Variants in COQ2 observed in about 807,000 individuals in gnomAD.
The protein encoded by COQ2 is coenzyme Q2, polyprenyltransferase, also known as 4-hydroxybenzoate polyprenyltransferase, mitochondrial.
In COQ2, 25 loss-of-function variants were observed where a neutral mutation model predicts 35.7. That is an observed-to-expected ratio of 0.70 (90% CI 0.51 to 0.98). The LOEUF (loss-of-function observed/expected upper bound fraction) is 0.98, where lower values mean the gene tolerates loss of function less well. COQ2 is among the 50% of genes least tolerant of loss of function. The pLI is 0.00. For synonymous variants in COQ2, 206 were observed against 186.2 expected (o/e 1.11, Z -0.86); for missense variants, 488 against 473.5 (o/e 1.03, Z -0.28).
rs551766328 is a variant in COQ2 at position 83,274,422 on chromosome 4, T to C, written c.421-805A>G. Among the ~76,000 whole-genome samples, 11 of 152,298 alleles carry C rather than the reference T, an allele frequency of 7.2e-5. No individual in the cohort carries two copies. The South Asian group carries it at 2.3e-3, about 32-fold the overall frequency. On this transcript the variant is annotated intron_variant, in intron 2 of 6. Coordinates refer to ENST00000647002, the MANE Select transcript of COQ2 (RefSeq NM_001358921.2). Reference sequence around the variant, plus strand: ...ATTGGCCAAGCTGGTTTCGAACTCCTGACCTCAAGTGATCCACCTGCCTTG... The same window carrying C: ...ATTGGCCAAGCTGGTTTCGAACTCCCGACCTCAAGTGATCCACCTGCCTTG...
intron 1 of COQ2, among the ~76,000 whole-genome samples, chr4:83,280,297 G>GCT (rs1735291211): frequency 1.3e-5 from 2 of 152,160 alleles, no homozygotes; most frequent in African/African-American, 4.8e-5. Context: ...GTTTGGATAT[G>GCT]CTGCCTATTA....
At chr4:83,269,572 A>C (rs1734996443) in intron 5 of COQ2, among the ~76,000 whole-genome samples, 1 of 152,228 alleles carries the variant, frequency 6.6e-6, no homozygotes, top group South Asian at 2.1e-4. Flanking sequence ...AAGTCTGTAA[A>C]GTACTTAAAA....
rs1447278016 is a variant in COQ2, at chr4:83,284,569, AGTC to A, written c.193_195del (p.Asp65del). 1.3e-6 allele frequency: 2 copies of A among 1,559,920 alleles called. No homozygotes were observed. The highest frequency in any genetic ancestry group is 2.8e-5 in the African/African-American group (2 of 72,020). The stretch of plus-strand genomic sequence containing the variant: ...TACGGCTGCAGGGGGCGGGGCGCAG[AGTC>A]CACCACCGCCGCCGCGGACAAACTG... On this transcript the variant is annotated inframe_deletion, in exon 1 of 7. Transcript: ENST00000647002.
intron 2 of COQ2, among the ~76,000 whole-genome samples, chr4:83,274,196 T>C (rs1236613960): frequency 6.6e-6 from 1 of 152,016 alleles, no homozygotes; most frequent in Non-Finnish European, 1.5e-5. Flanking sequence ...CCTTATCAGC[T>C]ATTTAGCTAT....
rs748622687 is a variant in COQ2, at chr4:83,264,375, G to A, written c.952-12C>T. On this transcript the variant is annotated splice_polypyrimidine_tract_variant and intron_variant, in intron 6 of 6. Transcript: ENST00000647002. ...TCTAGAGTGTAAATCTGCAAGAGAG[G>A]AATACAAAGTTGTATTAATACCTAG... 1.1e-5 allele frequency: 17 copies of A among 1,586,752 alleles called. No individual in the cohort carries two copies.
intron 6 of COQ2, 28 bp downstream of exon 6, chr4:83,267,558 T>G: frequency 6.6e-7 from 1 of 1,518,814 alleles, no homozygotes; most frequent in Non-Finnish European, 8.8e-7. Flanking sequence ...CAAGGAAATA[T>G]GAGGGACAAA....
chr4:83,268,162 G>A (rs1051111303), intron 5 of COQ2, among the ~76,000 whole-genome samples: 1 of 152,166 alleles, frequency 6.6e-6, no homozygotes, highest in Non-Finnish European at 1.5e-5. Flanking sequence ...CTCTACCTCA[G>A]AGTTCTCAAA....
At position 83,264,252 on chromosome 4, in the gene COQ2, C is replaced by T; in HGVS notation, c.1063G>A (p.Glu355Lys). Residue 355 changes from glutamate (E) to lysine (K), a missense_variant, in exon 7 of 7, where the codon GAA becomes AAA. By Grantham distance (56) the Glu-to-Lys change is moderately conservative. Coordinates refer to ENST00000647002, the MANE Select transcript of COQ2 (RefSeq NM_001358921.2). Reference sequence around the variant, plus strand: ...TTCTTTGTTTTGTCTGTCTTCTTTTCTTTCCACAAATTCCCAAGGACAATC... The same window carrying T: ...TTCTTTGTTTTGTCTGTCTTCTTTTTTTTCCACAAATTCCCAAGGACAATC... ...LGIVLGNLWKEKKTDKTKKGI... is the reference protein window; with the variant it reads ...LGIVLGNLWKKKKTDKTKKGI... 6.2e-7 allele frequency: 1 copy of T among 1,603,846 alleles called. No homozygotes were observed. The highest frequency in any genetic ancestry group is 1.3e-5 in the African/African-American group (1 of 74,450).
Position 83,284,639 on chromosome 4 carries a change from G to C in COQ2, c.126C>G (p.Asp42Glu), listed in dbSNP as rs1255408121. ...ARAAGAPHGG[D>E]LQPPACPEPR... ...GCTCGGGACAGGCGGGGGGCTGCAA[G>C]TCACCACCGTGGGGCGCGCCTGCCG... The change falls in exon 1 of 7, where the codon GAC becomes GAG. Residue 42 changes from aspartate (D) to glutamate (E), a missense_variant. By Grantham distance (45) the Asp-to-Glu change is conservative. Coordinates refer to ENST00000647002, the MANE Select transcript of COQ2 (RefSeq NM_001358921.2). The C allele has an allele frequency of 1.3e-6, 2 of 1,496,440 alleles. No individual in the cohort carries two copies. The highest frequency in any genetic ancestry group is 8.9e-7 in the Non-Finnish European group (1 of 1,125,924). The allele number at this position is 1,496,440 out of a possible 1,614,324, so 92.7% of individuals were successfully genotyped here. A position where few individuals can be genotyped will look rare whatever the true frequency, so the allele number is the denominator to read the frequency against.
chr4:83,264,437 A>G, intron 6 of COQ2, 74 bp from the exon 7 acceptor site: 1 of 1,481,848 alleles, frequency 6.7e-7, no homozygotes, highest in Non-Finnish European at 8.9e-7. Context: ...ACATGTTAAC[A>G]CGGAGGAGAA....
In COQ2 at chr4:83,284,604, C is replaced by T. The variant is rs1735414065; in HGVS notation, c.161G>A (p.Arg54His). ...CGCCGCCGCGGACAAACTGAGCTGGCGCCCGCGCGGCTCGGGACAGGCGGG... is the reference window on the plus strand; with the variant it reads ...CGCCGCCGCGGACAAACTGAGCTGGTGCCCGCGCGGCTCGGGACAGGCGGG... ...QPPACPEPRG[R>H]QLSLSAAAVV... is the part of the protein sequence containing the mutation. The change falls in exon 1 of 7, where the codon CGC (arginine) becomes CAC (histidine). Residue 54 changes from arginine to histidine, a missense_variant. Arg to His is a conservative substitution (Grantham distance 29). Transcript: ENST00000647002. 5.9e-6 allele frequency: 9 copies of T among 1,535,534 alleles called. No homozygotes were observed. The highest frequency in any genetic ancestry group is 7.9e-6 in the Non-Finnish European group (9 of 1,142,022).
At chr4:83,269,536 C>T (rs2126172251) in intron 5 of COQ2, among the ~76,000 whole-genome samples, 1 of 152,296 alleles carries the variant, frequency 6.6e-6, no homozygotes, top group Admixed American at 6.5e-5. Context: ...AATGTAAGTA[C>T]TTTCCTCAAA....
At chr4:83,276,028 T>TTATATAATATATAAAATATATATTA (rs1735163649) in intron 2 of COQ2, among the ~76,000 whole-genome samples, 1 of 20,662 alleles carries the variant, frequency 4.8e-5, no homozygotes, top group Non-Finnish European at 1.8e-4. Context: ...ATATATATTT[T>TTATATAATATATAAAATATATATTA]TATATAATAT....
intron 4 of COQ2, among the ~76,000 whole-genome samples, chr4:83,270,303 C>T (rs1025174840): frequency 2.0e-5 from 3 of 152,090 alleles, no homozygotes; most frequent in Admixed American, 6.5e-5. Context: ...ATATGGTGCA[C>T]GGCACTACCA....
Position 83,267,447 on chromosome 4 carries a change from G to A in COQ2, c.951+139C>T, listed in dbSNP as rs186753539. 34 of 675,302 alleles carry A rather than the reference G, an allele frequency of 5.0e-5. No individual in the cohort carries two copies. The East Asian group carries it at 9.7e-4, about 19-fold the overall frequency. 41.8% of individuals were successfully genotyped at this position (675,302 alleles called of 1,614,324 possible). On this transcript the variant is annotated intron_variant, in intron 6 of 6. Coordinates refer to ENST00000647002, the MANE Select transcript of COQ2 (RefSeq NM_001358921.2). ...TTATAAGTTGAGGCCGGAGGGCAGG[G>A]GGGTCTGTTAAAGGTAGTAGAAGCC...
chr4:83,276,008 A>T (rs1735157213), intron 2 of COQ2, among the ~76,000 whole-genome samples: 1 of 68,030 alleles, frequency 1.5e-5, no homozygotes, highest in African/African-American at 4.1e-5. Flanking sequence ...TAGAATATAT[A>T]TTATATATAA....
At chr4:83,281,711 A>T (rs1432967218) in intron 1 of COQ2, 2 of 152,120 alleles carry the variant, frequency 1.3e-5, no homozygotes, top group Admixed American at 1.3e-4. Context: ...AACACTTTTG[A>T]CTCTCACAAC....
At chr4:83,284,256 C>T in intron 1 of COQ2, 1 of 985,460 alleles carries the variant, frequency 1.0e-6, no homozygotes, top group South Asian at 4.7e-5. Flanking sequence ...CTTTAGGAGA[C>T]TGTCCCGACT....
At chr4:83,278,856 T>C (rs1281193669) in intron 2 of COQ2, 92 bp downstream of exon 2, 6 of 1,318,928 alleles carry the variant, frequency 4.5e-6, no homozygotes, top group African/African-American at 1.5e-5. Flanking sequence ...CTGAATGATC[T>C]TGTTGCTTTA....
Sources: allele counts gnomAD v4.1 joint callset (sites outside exome capture counted in the v4.1 genomes callset), GRCh38; gene constraint gnomAD v4.1.1; transcripts MANE v1.5; gene names NCBI Gene and HGNC (gene_info 2026-07-23, HGNC 2026-07-21).